The following SPG11 variants were observed in gnomAD, a reference collection of about 807,000 sequenced individuals.
SPG11 encodes spatacsin.
SPG11 carries 222 observed loss-of-function variants against 274.0 expected under a neutral mutation model. The ratio of observed to expected loss-of-function variants is 0.81; its 90% CI spans 0.73 to 0.91. The LOEUF is 0.91. Ranked by LOEUF, SPG11 falls within the 40% of genes least tolerant of loss-of-function variation. SPG11 has a pLI of 0.00. For synonymous variants in SPG11, 1,144 were observed against 1,039.7 expected, an observed-to-expected ratio of 1.10 and a Z score of -1.93; for missense variants, 3,114 against 2,872.7, an observed-to-expected ratio of 1.08 and a Z score of -1.92.
rs546237627 is a variant in SPG11 at position 44,603,115 on chromosome 15, C to T, written c.3521-2483G>A. ...TGTTGCCCAGGCTGGAGTGCAGTGG[C>T]ATGACCATAGCTCACTGCAGCCTTG... On this transcript the variant is annotated intron_variant, in intron 20 of 39. Coordinates refer to ENST00000261866, the MANE Select transcript of SPG11 (RefSeq NM_025137.4). Among the ~76,000 whole-genome samples the T allele has an allele frequency of 2.0e-5, 3 of 147,488 alleles. No homozygotes were observed. In the South Asian group the frequency reaches 6.4e-4, roughly 32 times the overall value.
chr15:44,649,050 T>C, intron 6 of SPG11, 39 bp from the exon 7 acceptor site: 1 of 1,522,166 alleles, frequency 6.6e-7, no homozygotes, highest in South Asian at 1.1e-5. Context: ...CAAATTAGAT[T>C]AGATTTTAGG....
At chr15:44,564,733 G>T in intron 38 of SPG11, 35 bp from the exon 39 acceptor site, 9 of 1,611,182 alleles carry the variant, frequency 5.6e-6, no homozygotes, top group Non-Finnish European at 7.6e-6. Flanking sequence ...CACCATCAGA[G>T]CCCATCTGAT....
At chr15:44,593,234 C>T (rs1022959323) in intron 26 of SPG11, among the ~76,000 whole-genome samples, 3 of 151,992 alleles carry the variant, frequency 2.0e-5, no homozygotes, top group African/African-American at 7.2e-5. Context: ...CTCATTCTGT[C>T]GCCCAGGCTG....
At chr15:44,637,006 G>T (rs1444976315) in intron 7 of SPG11, among the ~76,000 whole-genome samples, 2 of 146,934 alleles carry the variant, frequency 1.4e-5, no homozygotes, top group African/African-American at 5.0e-5. Flanking sequence ...GGTGAACTAG[G>T]TGAAATTTAA....
intron 7 of SPG11, among the ~76,000 whole-genome samples, chr15:44,634,090 TG>T (rs775880569): frequency 2.0e-5 from 3 of 151,972 alleles, no homozygotes; most frequent in Non-Finnish European, 4.4e-5. Context: ...CCACCTGCCT[TG>T]GCCTCCCAAA....
rs549196342 is a variant in SPG11 at position 44,663,621 on chromosome 15, A to C, written c.27T>G (p.Ser9Arg). The change falls in exon 1 of 40, where the codon AGT becomes AGG. Residue 9 changes from serine (S) to arginine (R), a missense_variant. By Grantham distance (110) the Ser-to-Arg change is moderately radical. Transcript: ENST00000261866. ...CCCAGCTACCGCCGGCGGAAGCAGC[A>C]CTCGCGACCCCTTCCTCTGCAGCCA... MAAEEGVASAASAGGSWGT... is the reference protein window; with the variant it reads MAAEEGVARAASAGGSWGT... The C allele has an allele frequency of 2.5e-6, 4 of 1,596,044 alleles. No homozygotes were observed. Among genetic ancestry groups the C allele is most frequent in the South Asian group, 1.1e-5 (1 of 89,646 alleles).
chr15:44,588,433 T>TG (rs1170557731), intron 28 of SPG11: 3 of 153,678 alleles, frequency 2.0e-5, no homozygotes, highest in Admixed American at 6.6e-5. Flanking sequence ...TGACAGGGTG[T>TG]GGGAGTTAAG....
At position 44,573,731 on chromosome 15, in the gene SPG11, G is replaced by C. The variant is rs1252796853; in HGVS notation, c.6021C>G (p.Ser2007=). ...CATCCTGAGCAGCAACATCTGTGTA[G>C]GAACAGCCCAACTCCTGAGAGGAAG... The part of the protein sequence containing the change: ...LYDLAKELGC[S]YTDVAAQDGE... Residue 2007 remains serine, a synonymous_variant, in exon 32 of 40, where the codon TCC becomes TCG. Coordinates refer to ENST00000261866, the MANE Select transcript of SPG11 (RefSeq NM_025137.4). 6.2e-7 allele frequency: 1 copy of C among 1,614,160 alleles called. No homozygotes were observed. The highest frequency in any genetic ancestry group is 8.5e-7 in the Non-Finnish European group (1 of 1,180,006).
chr15:44,563,072 C>T lies in SPG11; in HGVS notation c.*49G>A. 6.4e-7 allele frequency: 1 copy of T among 1,563,900 alleles called. No homozygotes were observed. The highest frequency in any genetic ancestry group is 8.8e-7 in the Non-Finnish European group (1 of 1,135,240). On this transcript the variant is annotated 3_prime_UTR_variant, in exon 40 of 40. Transcript: ENST00000261866. ...CAATGCATTCTTCTTCTCATCACAT[C>T]TGTCAGAATCTGCTAACAGTACAAG...
chr15:44,564,365 CTTG>C (rs1486742886), intron 39 of SPG11, among the ~76,000 whole-genome samples, 179 bp downstream of exon 39: 2 of 152,170 alleles, frequency 1.3e-5, no homozygotes, highest in Admixed American at 6.5e-5. Context: ...GCAAACTGTT[CTTG>C]TTGATCTCTT....
chr15:44,601,576 T>TA (rs58502842), intron 20 of SPG11, among the ~76,000 whole-genome samples: 2 of 149,850 alleles, frequency 1.3e-5, no homozygotes, highest in African/African-American at 4.9e-5. Flanking sequence ...TTTTTTTTTT[T>TA]AAATAGAATC....
At position 44,633,629 on chromosome 15, in the gene SPG11, T is replaced by C. The variant is rs751037214; in HGVS notation, c.1611A>G (p.Ile537Met). 5.0e-6 allele frequency: 8 copies of C among 1,613,436 alleles called. No homozygotes were observed. The Admixed American group carries it at 6.7e-5, about 13-fold the overall frequency. Reference protein sequence around the residue: ...SIPIHALEAGIENRQLDTVNF... With the variant: ...SIPIHALEAGMENRQLDTVNF... ...TTACTGTGTCCAGCTGACGATTTTCTATCCCGGCCTGAAATGAGGAGGAAA... is the reference window on the plus strand; with the variant it reads ...TTACTGTGTCCAGCTGACGATTTTCCATCCCGGCCTGAAATGAGGAGGAAA... Residue 537 changes from isoleucine to methionine, a missense_variant, in exon 8 of 40, where the codon ATA (isoleucine) becomes ATG (methionine). Physicochemically the swap from Ile to Met is conservative, Grantham distance 10. Coordinates refer to ENST00000261866, the MANE Select transcript of SPG11 (RefSeq NM_025137.4).
rs964985674 is a variant in SPG11, at chr15:44,621,879, G to C, written c.2500C>G (p.Leu834Val). 1 of 1,613,396 alleles carries C rather than the reference G, an allele frequency of 6.2e-7. No individual in the cohort carries two copies. The highest frequency in any genetic ancestry group is 1.3e-5 in the African/African-American group (1 of 74,862). ...FKHKSVLDSF[L>V]KYDCKDEFNK... The stretch of plus-strand genomic sequence containing the variant: ...AATTCATCTTTACAATCATATTTCA[G>C]GAATGAGTCCAAAACAGACTTGTGC... The change falls in exon 14 of 40, where the codon CTG (leucine) becomes GTG (valine). Residue 834 changes from leucine to valine, a missense_variant. Transcript: ENST00000261866.
intron 9 of SPG11, 128 bp downstream of exon 9, chr15:44,629,105 A>C: frequency 8.9e-7 from 1 of 1,122,184 alleles, no homozygotes; most frequent in Non-Finnish European, 1.3e-6. Context: ...ACTCAACTAC[A>C]CACTGACCTT....
intron 21 of SPG11, among the ~76,000 whole-genome samples, chr15:44,599,451 C>G (rs962296735): frequency 6.6e-6 from 1 of 152,086 alleles, no homozygotes; most frequent in Non-Finnish European, 1.5e-5. Flanking sequence ...AGGCACCCAC[C>G]ACCATGCCTG....
rs566108338 is a variant in SPG11, at chr15:44,576,704, T to C, written c.5867-1663A>G. 3.3e-5 allele frequency among the ~76,000 whole-genome samples: 5 copies of C among 152,158 alleles called. No homozygotes were observed. The South Asian group carries it at 6.2e-4, about 19-fold the overall frequency. On this transcript the variant is annotated intron_variant, in intron 30 of 39. Coordinates refer to ENST00000261866, the MANE Select transcript of SPG11 (RefSeq NM_025137.4). ...TATATGTACTGAGAGGACAAAAATG[T>C]AGATCAATATGATGTAATCTCATTT...
chr15:44,620,354 G>A lies in SPG11; in HGVS notation c.2670C>T (p.Arg890=), dbSNP rs756847430. The A allele has an allele frequency of 1.2e-6, 2 of 1,613,970 alleles. No homozygotes were observed. The highest frequency in any genetic ancestry group is 4.5e-5 in the East Asian group (2 of 44,856). ...ATAAGATAATGTTTAACCAATCATGGCGAGCTGTGAGGTATCTCCAGAGGG... is the reference window on the plus strand; with the variant it reads ...ATAAGATAATGTTTAACCAATCATGACGAGCTGTGAGGTATCTCCAGAGGG... The part of the protein sequence containing the change: ...PEALWRYLTA[R]HDWLNIILWI... The change falls in exon 15 of 40, where the codon CGC becomes CGT. Residue 890 remains arginine (R), a synonymous_variant. Transcript: ENST00000261866.
At position 44,629,673 on chromosome 15, in the gene SPG11, C is replaced by A. The variant is rs149175555; in HGVS notation, c.1736-285G>T. Among the ~76,000 whole-genome samples, 9 of 152,270 alleles carry A rather than the reference C, an allele frequency of 5.9e-5. No individual in the cohort carries two copies. In the East Asian group the frequency reaches 1.5e-3, roughly 26 times the overall value. ...TTTTATAAATGCTATCTCATTTATT[C>A]CTTTCAACAACTTAAGAGGTAGGTG... On this transcript the variant is annotated intron_variant, in intron 8 of 39. Transcript: ENST00000261866.
At chr15:44,650,474 C>T (rs958448132) in intron 6 of SPG11, among the ~76,000 whole-genome samples, 2 of 151,922 alleles carry the variant, frequency 1.3e-5, no homozygotes, top group South Asian at 2.1e-4. Context: ...GCCAACAGAG[C>T]GAGACGTCGT....
Sources: allele counts gnomAD v4.1 joint callset (sites outside exome capture counted in the v4.1 genomes callset), GRCh38; gene constraint gnomAD v4.1.1; transcripts MANE v1.5; gene names NCBI Gene and HGNC (gene_info 2026-07-23, HGNC 2026-07-21).